Variants in RAB18 observed in about 807,000 individuals in gnomAD.
The protein encoded by RAB18 is ras-related protein Rab-18.
In RAB18, 10 loss-of-function variants were observed where a neutral mutation model predicts 28.5. That is an observed-to-expected ratio of 0.35 (90% CI 0.22 to 0.60). RAB18 has a LOEUF of 0.60. Among genes scored for constraint, RAB18 ranks in the 20% least tolerant of loss-of-function variants. The pLI is 0.78. For missense variants in RAB18, 188 were observed against 244.2 expected (o/e 0.77, Z 1.53); for synonymous variants, 93 against 86.9 (o/e 1.07, Z -0.39).
At position 27,538,555 on chromosome 10, in the gene RAB18, A is replaced by G. The variant is rs12571836; in HGVS notation, c.*504A>G. On this transcript the variant is annotated 3_prime_UTR_variant, in exon 7 of 7. Coordinates refer to ENST00000356940, the MANE Select transcript of RAB18 (RefSeq NM_021252.5). ...TGAGATTCTTTTTTAGTACTAAGCA[A>G]AATTCTCATCACAGAATGTAGCCCA... The G allele has an allele frequency of 0.036, 16,393 of 454,538 alleles. 1,358 individuals carry two copies. The highest frequency in any genetic ancestry group is 0.31 in the East Asian group (4,485 of 14,378). 28.2% of individuals were successfully genotyped at this position (454,538 alleles called of 1,614,324 possible). A position where few individuals can be genotyped will look rare whatever the true frequency, so the allele number is the denominator to read the frequency against.
intron 3 of RAB18, among the ~76,000 whole-genome samples, chr10:27,529,601 C>G (rs540673087): frequency 6.6e-6 from 1 of 152,022 alleles, no homozygotes; most frequent in Admixed American, 6.6e-5. Flanking sequence ...TCTTTCCTAG[C>G]CCTGAGTTTA....
At position 27,541,926 on chromosome 10, in the gene RAB18, C is replaced by T. The variant is rs1246218127; in HGVS notation, c.*3875C>T. ...ACCCAGTTACCTTTTAGCAGTGCCCCACTTCCCCAGTAGCAATGGTTCAGG... is the reference window on the plus strand; with the variant it reads ...ACCCAGTTACCTTTTAGCAGTGCCCTACTTCCCCAGTAGCAATGGTTCAGG... On this transcript the variant is annotated 3_prime_UTR_variant, in exon 7 of 7. Transcript: ENST00000356940. The T allele has an allele frequency of 2.2e-6, 1 of 453,910 alleles. No individual in the cohort carries two copies. The allele number at this position is 453,910 out of a possible 1,614,324, so 28.1% of individuals were successfully genotyped here.
At chr10:27,532,249 A>C (rs1834803115) in intron 3 of RAB18, among the ~76,000 whole-genome samples, 1 of 152,068 alleles carries the variant, frequency 6.6e-6, no homozygotes, top group Non-Finnish European at 1.5e-5. Context: ...GTTTCATTTC[A>C]TGTATGATAA....
chr10:27,505,482 C>G (rs1006918255), intron 1 of RAB18, among the ~76,000 whole-genome samples: 1 of 152,180 alleles, frequency 6.6e-6, no homozygotes, highest in Non-Finnish European at 1.5e-5. Context: ...TTGTAAAAGT[C>G]ACTTCATAAA....
chr10:27,534,973 C>T (rs1834863181), intron 6 of RAB18, among the ~76,000 whole-genome samples: 1 of 152,208 alleles, frequency 6.6e-6, no homozygotes, highest in Non-Finnish European at 1.5e-5. Context: ...GTGGACAAAA[C>T]TGACAAACTT....
chr10:27,509,645 C>T (rs1214996650), intron 1 of RAB18, among the ~76,000 whole-genome samples: 1 of 152,064 alleles, frequency 6.6e-6, no homozygotes, highest in Non-Finnish European at 1.5e-5. Flanking sequence ...TAGGAGAGCA[C>T]GGGGAATATA....
chr10:27,514,680 A>G (rs1834396481), intron 2 of RAB18, among the ~76,000 whole-genome samples: 1 of 152,002 alleles, frequency 6.6e-6, no homozygotes, highest in Non-Finnish European at 1.5e-5. Context: ...AACATAATGA[A>G]ACACAAATAT....
chr10:27,534,089 G>T, intron 6 of RAB18, 95 bp downstream of exon 6: 1 of 1,197,230 alleles, frequency 8.4e-7, no homozygotes, highest in South Asian at 1.2e-5. Flanking sequence ...ACCATAAAAT[G>T]TGTTTAGAGT....
intron 2 of RAB18, among the ~76,000 whole-genome samples, chr10:27,514,709 A>T (rs1055759642): frequency 2.6e-5 from 4 of 152,190 alleles, no homozygotes; most frequent in African/African-American, 9.6e-5. Context: ...GTAGTACAAG[A>T]TAACATTTCT....
Position 27,539,038 on chromosome 10 carries a change from G to C in RAB18, c.*987G>C, listed in dbSNP as rs1310957124. 2 of 429,832 alleles carry C rather than the reference G, an allele frequency of 4.7e-6. No homozygotes were observed. Among genetic ancestry groups the C allele is most frequent in the Non-Finnish European group, 9.3e-6 (2 of 214,172 alleles). 26.6% of individuals were successfully genotyped at this position (429,832 alleles called of 1,614,324 possible). Reference sequence around the variant, plus strand: ...AGTGATAATTTGAAAAAGGCATATTGCTTCCAGATTCTGATGTGTGAGGGA... The same window carrying C: ...AGTGATAATTTGAAAAAGGCATATTCCTTCCAGATTCTGATGTGTGAGGGA... On this transcript the variant is annotated 3_prime_UTR_variant, in exon 7 of 7. Coordinates refer to ENST00000356940, the MANE Select transcript of RAB18 (RefSeq NM_021252.5).
intron 3 of RAB18, 42 bp downstream of exon 3, chr10:27,526,931 C>G: frequency 3.2e-6 from 5 of 1,570,598 alleles, no homozygotes; most frequent in Non-Finnish European, 4.4e-6. Context: ...TTAAACTTTA[C>G]TTTTTAAGGA....
chr10:27,533,666 T>C, intron 4 of RAB18, 69 bp from the exon 5 acceptor site: 1 of 1,581,774 alleles, frequency 6.3e-7, no homozygotes, highest in South Asian at 1.1e-5. Flanking sequence ...AACTCCTAGC[T>C]ACATATCAGA....
At position 27,538,315 on chromosome 10, in the gene RAB18, A is replaced by G; in HGVS notation, c.*264A>G. 1.8e-6 allele frequency: 1 copy of G among 570,832 alleles called. No homozygotes were observed. The highest frequency in any genetic ancestry group is 3.3e-6 in the Non-Finnish European group (1 of 303,824). The allele number at this position is 570,832 out of a possible 1,614,324, so 35.4% of individuals were successfully genotyped here. On this transcript the variant is annotated 3_prime_UTR_variant, in exon 7 of 7. Transcript: ENST00000356940. ...ACATTCAATTTTATGATTTACATTT[A>G]TCATGTAATTTTTAAAAAAATCCAT...
intron 1 of RAB18, chr10:27,504,870 G>A (rs746003194): frequency 1.5e-5 from 7 of 475,852 alleles, no homozygotes; most frequent in Non-Finnish European, 3.0e-5. Context: ...GGTTTCTGTG[G>A]GGCCTTCTCT....
intron 1 of RAB18, among the ~76,000 whole-genome samples, chr10:27,506,363 C>T (rs1837836808): frequency 6.6e-6 from 1 of 152,074 alleles, no homozygotes; most frequent in Admixed American, 6.6e-5. Flanking sequence ...ATTCTGTCAC[C>T]CAGACTGGAG....
chr10:27,536,631 A>G (rs1210240076), intron 6 of RAB18, among the ~76,000 whole-genome samples: 3 of 152,200 alleles, frequency 2.0e-5, no homozygotes, highest in African/African-American at 7.2e-5. Context: ...GCCAGCAAAC[A>G]AGGCTGCACA....
At chr10:27,533,564 A>C (rs571913389) in intron 4 of RAB18, among the ~76,000 whole-genome samples, 171 bp from the exon 5 acceptor site, 10 of 151,808 alleles carry the variant, frequency 6.6e-5, no homozygotes, top group Admixed American at 2.0e-4. Flanking sequence ...TAAAAAAAAA[A>C]CACTTGTTTC....
chr10:27,518,133 A>C lies in RAB18; in HGVS notation c.124+8203A>C, dbSNP rs368738513. 1.6e-4 allele frequency among the ~76,000 whole-genome samples: 24 copies of C among 152,282 alleles called. No individual in the cohort carries two copies. In the East Asian group the frequency reaches 4.2e-3, roughly 27 times the overall value. On this transcript the variant is annotated intron_variant, in intron 2 of 6. Transcript: ENST00000356940. ...ACAGTTTTAGTTGGTTTATCTATTC[A>C]TCAATTGTGAGACATTTTTGTTGTT...
At chr10:27,514,950 T>TG (rs1443026629) in intron 2 of RAB18, among the ~76,000 whole-genome samples, 1 of 152,024 alleles carries the variant, frequency 6.6e-6, no homozygotes, top group Non-Finnish European at 1.5e-5. Context: ...TTTTTGGAGA[T>TG]GGGGTCTCAC....
Sources: gnomAD v4.1 joint callset for allele counts (sites outside exome capture counted in the v4.1 genomes callset) on GRCh38, gnomAD v4.1.1 for gene constraint, MANE v1.5 for transcripts, NCBI Gene and HGNC (gene_info 2026-07-23, HGNC 2026-07-21) for gene names.